Variants in ARHGAP39 observed in about 807,000 individuals in gnomAD.
ARHGAP39 encodes Rho GTPase activating protein 39, also known as rho GTPase-activating protein 39.
Under a neutral mutation model 106.9 loss-of-function variants are expected in ARHGAP39, and 44 were observed. That is an observed-to-expected ratio of 0.41 (90% CI 0.32 to 0.53). ARHGAP39 has a LOEUF of 0.53. ARHGAP39 is among the 20% of genes least tolerant of loss of function. The probability of loss-of-function intolerance (pLI) is 0.21; values close to 1 mark genes in which losing one functional copy is unlikely to be tolerated. For missense variants in ARHGAP39, 1,496 were observed against 1,577.3 expected (o/e 0.95, Z 0.87); for synonymous variants, 768 against 693.2 (o/e 1.11, Z -1.69).
chr8:144,537,778 T>C lies in ARHGAP39; in HGVS notation c.2557A>G (p.Thr853Ala). The C allele has an allele frequency of 1.2e-6, 2 of 1,614,166 alleles. No individual in the cohort carries two copies. Among genetic ancestry groups the C allele is most frequent in the Non-Finnish European group, 1.7e-6 (2 of 1,180,008 alleles). The change falls in exon 7 of 12, where the codon ACT becomes GCT. Residue 853 changes from threonine to alanine, a missense_variant. Transcript: ENST00000377307. Reference sequence around the variant, plus strand: ...TTTCTCAATTTGGACTTCTTCTTAGTGTTTCTTTCCAGGAGCTCTTTTATG... The same window carrying C: ...TTTCTCAATTTGGACTTCTTCTTAGCGTTTCTTTCCAGGAGCTCTTTTATG... Reference protein sequence around the residue: ...QHIKELLERNTKKKSKLRKKP... With the variant: ...QHIKELLERNAKKKSKLRKKP...
chr8:144,675,192 C>T (rs530158656), intron 1 of ARHGAP39, among the ~76,000 whole-genome samples: 36 of 152,326 alleles, frequency 2.4e-4, no homozygotes, highest in South Asian at 8.3e-4. Context: ...AGACAAGCCA[C>T]CAATGCCATT....
intron 3 of ARHGAP39, among the ~76,000 whole-genome samples, chr8:144,563,861 T>C (rs879419439): frequency 6.6e-6 from 1 of 152,188 alleles, no homozygotes; most frequent in Non-Finnish European, 1.5e-5. Flanking sequence ...ATTTTTGTTG[T>C]AGGCTTGACA....
At chr8:144,555,740 A>G in intron 3 of ARHGAP39, 97 bp from the exon 4 acceptor site, 2 of 1,055,906 alleles carry the variant, frequency 1.9e-6, no homozygotes, top group Non-Finnish European at 2.9e-6. Flanking sequence ...TGCCACCTCA[A>G]TTTCCTGGAA....
rs116157764 is a variant in ARHGAP39, at chr8:144,667,577, C to A, written c.-82+18109G>T. On this transcript the variant is annotated intron_variant, in intron 1 of 11. Coordinates refer to ENST00000377307, the MANE Select transcript of ARHGAP39 (RefSeq NM_025251.3). ...CGGCACCTGGGACATCTTCTGTGTA[C>A]ACTAAGTCTCAATAAACAAACTGTT... 2.5e-3 allele frequency among the ~76,000 whole-genome samples: 382 copies of A among 152,328 alleles called. 2 individuals are homozygous for A. Among genetic ancestry groups the A allele is most frequent in the African/African-American group, 8.8e-3 (366 of 41,556 alleles).
At chr8:144,601,416 G>A (rs1302865897) in intron 2 of ARHGAP39, among the ~76,000 whole-genome samples, 2 of 147,626 alleles carry the variant, frequency 1.4e-5, no homozygotes, top group African/African-American at 2.5e-5. Flanking sequence ...CTGCGTGCAT[G>A]GAGGCGTGCG....
intron 1 of ARHGAP39, among the ~76,000 whole-genome samples, chr8:144,666,702 T>C (rs573696036): frequency 6.6e-6 from 1 of 152,308 alleles, no homozygotes. Context: ...TGTGGAACGG[T>C]AAGTCCAATT....
At chr8:144,603,646 C>T (rs927556057) in intron 2 of ARHGAP39, among the ~76,000 whole-genome samples, 4 of 149,454 alleles carry the variant, frequency 2.7e-5, no homozygotes, top group South Asian at 2.1e-4. Flanking sequence ...GCTGAGATCA[C>T]GCCACTGCAC....
chr8:144,595,859 C>T (rs1250566127), intron 2 of ARHGAP39, among the ~76,000 whole-genome samples: 4 of 152,306 alleles, frequency 2.6e-5, no homozygotes, highest in Admixed American at 1.3e-4. Flanking sequence ...TCCCTCCCGC[C>T]GCGCCGCCAT....
rs1337798948 is a variant in ARHGAP39 at position 144,539,028 on chromosome 8, C to T, written c.2522-1215G>A. Among the ~76,000 whole-genome samples the T allele has an allele frequency of 2.6e-5, 4 of 152,230 alleles. No individual in the cohort carries two copies. The East Asian group carries it at 7.7e-4, about 29-fold the overall frequency. ...ACCTCCGGCACTTCCTCACTTTTGA[C>T]TACATCTCGTATATGCCCCGCACCA... is the stretch of plus-strand genomic sequence containing the variant. On this transcript the variant is annotated intron_variant, in intron 6 of 11. Transcript: ENST00000377307.
At chr8:144,588,700 C>T (rs1204007400) in intron 2 of ARHGAP39, among the ~76,000 whole-genome samples, 1 of 152,264 alleles carries the variant, frequency 6.6e-6, no homozygotes, top group Non-Finnish European at 1.5e-5. Flanking sequence ...GAGGGTCAGA[C>T]TCACAGCCGG....
chr8:144,661,049 G>A (rs1364133314), intron 1 of ARHGAP39, among the ~76,000 whole-genome samples: 1 of 152,134 alleles, frequency 6.6e-6, no homozygotes, highest in African/African-American at 2.4e-5. Context: ...ACTGAGGCAG[G>A]AGGATCACCT....
intron 1 of ARHGAP39, among the ~76,000 whole-genome samples, chr8:144,623,563 C>T (rs1357314209): frequency 5.9e-5 from 9 of 152,266 alleles, no homozygotes; most frequent in African/African-American, 2.2e-4. Flanking sequence ...GACAGGCGGC[C>T]TCGCGGCACA....
At chr8:144,700,092 C>T in the ARHGAP39 span, among the ~76,000 whole-genome samples, 1 of 152,218 alleles carries the variant, frequency 6.6e-6, no homozygotes, top group Non-Finnish European at 1.5e-5. The surrounding 1 kb of genome is among the most constrained non-coding windows in gnomAD (Gnocchi z 5.6). Context: ...GTTCCCTGTC[C>T]GTCACCTCCT....
chr8:144,609,924 C>T (rs1178673529), intron 1 of ARHGAP39, among the ~76,000 whole-genome samples: 3 of 152,108 alleles, frequency 2.0e-5, no homozygotes, highest in African/African-American at 4.8e-5. Flanking sequence ...AAATGTGTGG[C>T]AGAGATTCCA....
intron 2 of ARHGAP39, among the ~76,000 whole-genome samples, chr8:144,598,703 G>C (rs1819724708): frequency 2.0e-5 from 3 of 152,214 alleles, no homozygotes; most frequent in Non-Finnish European, 4.4e-5. Flanking sequence ...CCATGAGCAG[G>C]TGCCACGTGC....
chr8:144,648,396 C>G (rs1821495321), intron 1 of ARHGAP39, among the ~76,000 whole-genome samples: 1 of 152,182 alleles, frequency 6.6e-6, no homozygotes, highest in Admixed American at 6.5e-5. Flanking sequence ...GTAACTGGAG[C>G]AATCTCCCAC....
At chr8:144,665,021 G>A (rs1045568283) in intron 1 of ARHGAP39, among the ~76,000 whole-genome samples, 1 of 152,348 alleles carries the variant, frequency 6.6e-6, no homozygotes, top group Middle Eastern at 3.4e-3. Flanking sequence ...GAGACTTGTT[G>A]AACGGTTGAC....
intron 2 of ARHGAP39, among the ~76,000 whole-genome samples, chr8:144,602,026 T>TGCGA (rs1820000108): frequency 7.7e-6 from 1 of 129,398 alleles, no homozygotes; most frequent in African/African-American, 2.9e-5. Flanking sequence ...GGCGTGTGTG[T>TGCGA]GCTCGTGAAC....
chr8:144,577,302 T>C (rs573381792), intron 3 of ARHGAP39, among the ~76,000 whole-genome samples: 128 of 152,120 alleles, frequency 8.4e-4, no homozygotes, highest in African/African-American at 2.9e-3. Context: ...GACCAACCAG[T>C]GTAAAACACC....
Sources: gnomAD v4.1 joint callset for allele counts (sites outside exome capture counted in the v4.1 genomes callset) on GRCh38, gnomAD v4.1.1 for gene constraint, Gnocchi (gnomAD v3.1) non-coding constraint, MANE v1.5 for transcripts, NCBI Gene and HGNC (gene_info 2026-07-23, HGNC 2026-07-21) for gene names.